The following LINGO1 variants were observed in gnomAD, a reference collection of about 807,000 sequenced individuals.
The protein encoded by LINGO1 is leucine-rich repeat and immunoglobulin-like domain-containing nogo receptor-interacting protein 1.
A neutral mutation model predicts 37.3 loss-of-function variants in LINGO1; 11 were observed. The observed-to-expected ratio is 0.29, with a 90% CI of 0.19 to 0.49. The LOEUF is 0.49. Among genes scored for constraint, LINGO1 ranks in the 20% least tolerant of loss-of-function variants. The probability of loss-of-function intolerance (pLI) is 0.99; values close to 1 mark genes in which losing one functional copy is unlikely to be tolerated. For missense variants in LINGO1, 585 were observed against 878.2 expected (o/e 0.67, Z 4.22); for synonymous variants, 387 against 403.0 (o/e 0.96, Z 0.48).
intron 1 of LINGO1, among the ~76,000 whole-genome samples, chr15:77,770,146 T>G (rs1346114890): frequency 6.6e-6 from 1 of 152,118 alleles, no homozygotes; most frequent in East Asian, 1.9e-4. Context: ...GTTCCCAGGC[T>G]CACTCCAGAG....
At chr15:77,638,346 C>G (rs1170715750), upstream of LINGO1, among the ~76,000 whole-genome samples, 2 of 152,166 alleles carry the variant, frequency 1.3e-5, no homozygotes, top group Admixed American at 6.5e-5. Context: ...ATGCAGTTAG[C>G]TGTTCTTAAG....
At chr15:77,704,171 G>A (rs888224678) in intron 2 of LINGO1, among the ~76,000 whole-genome samples, 5 of 152,130 alleles carry the variant, frequency 3.3e-5, no homozygotes, top group Admixed American at 2.6e-4. Context: ...CAGAAGCTAC[G>A]ACCATTCAAG....
At chr15:77,718,692 C>T (rs1381654250) in intron 2 of LINGO1, among the ~76,000 whole-genome samples, 2 of 150,758 alleles carry the variant, frequency 1.3e-5, no homozygotes, top group East Asian at 4.2e-4. Context: ...GCAGTATAGA[C>T]CCCTTAGTCA....
At chr15:77,723,480 G>A (rs1207647774) in intron 2 of LINGO1, among the ~76,000 whole-genome samples, 2 of 152,178 alleles carry the variant, frequency 1.3e-5, no homozygotes, top group East Asian at 1.9e-4. Flanking sequence ...TGCTTCTGAC[G>A]TGCCCGGCAC....
chr15:77,728,529 G>T (rs1445851942), intron 2 of LINGO1, among the ~76,000 whole-genome samples: 3 of 152,224 alleles, frequency 2.0e-5, no homozygotes, highest in Non-Finnish European at 4.4e-5. Context: ...AGGGGTCTGA[G>T]GGCAGCTCCA....
At chr15:77,729,991 T>C (rs2076139319) in intron 2 of LINGO1, among the ~76,000 whole-genome samples, 2 of 152,120 alleles carry the variant, frequency 1.3e-5, no homozygotes, top group South Asian at 2.1e-4. Context: ...ATGTGCAAAA[T>C]GGCAAATCCC....
chr15:77,689,338 G>A (rs1052728259), intron 2 of LINGO1, among the ~76,000 whole-genome samples: 1 of 152,214 alleles, frequency 6.6e-6, no homozygotes, highest in Non-Finnish European at 1.5e-5. Context: ...ACACTCAGGA[G>A]GTCCGGAACT....
chr15:77,776,034 G>A (rs1353156485), intron 1 of LINGO1, among the ~76,000 whole-genome samples: 1 of 152,072 alleles, frequency 6.6e-6, no homozygotes, highest in East Asian at 1.9e-4. Flanking sequence ...CCATATTACA[G>A]CATGCACATC....
chr15:77,764,131 T>C (rs541303818), intron 1 of LINGO1, among the ~76,000 whole-genome samples: 69 of 152,346 alleles, frequency 4.5e-4, no homozygotes, highest in South Asian at 8.3e-4. Context: ...ATTTTAGTTA[T>C]TCATTAATTA....
intron 1 of LINGO1, among the ~76,000 whole-genome samples, chr15:77,808,905 C>A (rs1345342811): frequency 6.6e-6 from 1 of 152,234 alleles, no homozygotes; most frequent in African/African-American, 2.4e-5. Flanking sequence ...CCCCAGGCCT[C>A]GGATGGCCCA....
chr15:77,776,474 C>CAGGAAGGCAGGAAGGG (rs1596217707), intron 1 of LINGO1, among the ~76,000 whole-genome samples: 5 of 129,744 alleles, frequency 3.9e-5, no homozygotes, highest in African/African-American at 1.2e-4. Context: ...GGCAGGAAGG[C>CAGGAAGGCAGGAAGGG]AGGAAGGCAG....
intron 2 of LINGO1, among the ~76,000 whole-genome samples, chr15:77,727,716 C>T (rs1452904492): frequency 2.1e-5 from 3 of 142,566 alleles, no homozygotes; most frequent in East Asian, 2.0e-4. Context: ...TAAGATGATA[C>T]ATTTTATATG....
chr15:77,683,209 G>C lies in LINGO1; in HGVS notation c.-98-6035C>G, dbSNP rs114479487. Among the ~76,000 whole-genome samples the C allele has an allele frequency of 5.1e-3, 774 of 152,272 alleles. 7 individuals carry two copies. The highest frequency in any genetic ancestry group is 0.02 in the Middle Eastern group (6 of 294). On this transcript the variant is annotated intron_variant, in intron 2 of 3. Transcript: ENST00000559893. Reference sequence around the variant, plus strand: ...ATTTTTCTAGATCGGCAAATATCCGGAAGATTGAGAATGTTCAATGTGGAG... The same window carrying C: ...ATTTTTCTAGATCGGCAAATATCCGCAAGATTGAGAATGTTCAATGTGGAG...
upstream of LINGO1, among the ~76,000 whole-genome samples, chr15:77,638,055 G>A (rs2074429165): frequency 6.6e-6 from 1 of 152,258 alleles, no homozygotes; most frequent in African/African-American, 2.4e-5. Flanking sequence ...AACGTAGTCA[G>A]CAGCCTCCCC....
chr15:77,769,519 G>A (rs2141399235), intron 1 of LINGO1, among the ~76,000 whole-genome samples: 1 of 152,324 alleles, frequency 6.6e-6, no homozygotes, highest in South Asian at 2.1e-4. Flanking sequence ...CCCATGGGAG[G>A]AGCTATCAGG....
intron 1 of LINGO1, among the ~76,000 whole-genome samples, chr15:77,761,110 A>G (rs955013641): frequency 5.7e-5 from 8 of 140,330 alleles, no homozygotes; most frequent in African/African-American, 2.1e-4. Flanking sequence ...TTTTTTTTGT[A>G]TTTTTAGTAG....
chr15:77,674,435 C>T (rs564702158), intron 3 of LINGO1, among the ~76,000 whole-genome samples: 1 of 152,326 alleles, frequency 6.6e-6, no homozygotes, highest in Non-Finnish European at 1.5e-5. Context: ...TTCCCCACTT[C>T]ATTTTGGGTA....
chr15:77,681,824 C>T (rs1481852898), intron 2 of LINGO1, among the ~76,000 whole-genome samples: 3 of 152,004 alleles, frequency 2.0e-5, no homozygotes, highest in South Asian at 2.1e-4. Flanking sequence ...GGGGTGAGCA[C>T]CATTGCCACT....
intron 1 of LINGO1, among the ~76,000 whole-genome samples, chr15:77,816,253 C>T (rs954400099): frequency 6.6e-6 from 1 of 152,198 alleles, no homozygotes; most frequent in Admixed American, 6.5e-5. Flanking sequence ...CTGGTATCCC[C>T]AGCACTCAGT....
Sources: gnomAD v4.1 joint callset for allele counts (sites outside exome capture counted in the v4.1 genomes callset) on GRCh38, gnomAD v4.1.1 for gene constraint, MANE v1.5 for transcripts, NCBI Gene and HGNC (gene_info 2026-07-23, HGNC 2026-07-21) for gene names.